WNK3: variants seen among roughly 807,000 people sequenced by gnomAD.
WNK3 encodes the protein WNK lysine deficient protein kinase 3, also known as serine/threonine-protein kinase WNK3.
Under a neutral mutation model 116.7 loss-of-function variants are expected in WNK3, and 18 were observed. The observed-to-expected ratio is 0.15, with a 90% CI of 0.11 to 0.23. The LOEUF is 0.23. WNK3 is among the 10% of genes least tolerant of loss of function. WNK3 has a pLI of 1.00. For missense variants in WNK3, 993 were observed against 1,323.8 expected (o/e 0.75, Z 3.88); for synonymous variants, 404 against 469.4 (o/e 0.86, Z 1.80).
At chrX:54,302,758 T>TATATATAC (rs1491572190) in intron 5 of WNK3, among the ~76,000 whole-genome samples, 1 of 27,051 alleles carries the variant, frequency 3.7e-5, no homozygotes, top group African/African-American at 1.7e-4. Context: ...TATATATATA[T>TATATATAC]TTTTTTTTTT....
chrX:54,236,428 G>C (rs1003806648), intron 20 of WNK3, among the ~76,000 whole-genome samples: 1 of 110,852 alleles, frequency 9.0e-6, no homozygotes, highest in African/African-American at 3.3e-5. Context: ...CAGCTGGCCT[G>C]AATTTCTTTT....
chrX:54,304,243 G>A (rs1041132507), intron 5 of WNK3, among the ~76,000 whole-genome samples: 4 of 110,700 alleles, frequency 3.6e-5, no homozygotes, highest in Non-Finnish European at 7.6e-5. Flanking sequence ...AAAAAAAATC[G>A]TGTAGCTCAG....
chrX:54,332,448 T>C (rs1325566985), intron 2 of WNK3, among the ~76,000 whole-genome samples: 2 of 112,235 alleles, frequency 1.8e-5, no homozygotes, highest in African/African-American at 6.5e-5. Context: ...TATGCCACAC[T>C]GAATATATTT....
intron 22 of WNK3, among the ~76,000 whole-genome samples, chrX:54,215,116 CAAAAAA>C (rs60946524): frequency 3.4e-5 from 1 of 29,458 alleles, no homozygotes; most frequent in Admixed American, 4.5e-4. Flanking sequence ...GACTCCATCT[CAAAAAA>C]AAAAAAAAAA....
At chrX:54,281,511 A>G (rs2068515541) in intron 10 of WNK3, among the ~76,000 whole-genome samples, 1 of 111,296 alleles carries the variant, frequency 9.0e-6, no homozygotes, top group South Asian at 3.8e-4. Flanking sequence ...CAACTAAATA[A>G]TACATTGCAT....
rs183483545 is a variant in WNK3 at position 54,320,790 on chromosome X, G to A, written c.538-9499C>T. On this transcript the variant is annotated intron_variant, in intron 2 of 23. Coordinates refer to ENST00000354646, the Ensembl canonical transcript of WNK3. ...TCAAGCTATTCTCCTGCCTCAGCTT[G>A]AATATTCTTGATAAACATGAGGTTG... is the stretch of plus-strand genomic sequence containing the variant. Among the ~76,000 whole-genome samples, 707 of 109,660 alleles carry A rather than the reference G, an allele frequency of 6.4e-3. 3 individuals carry two copies. The highest frequency in any genetic ancestry group is 1.0e-2 in the Non-Finnish European group (524 of 52,648).
At chrX:54,198,341 G>A (rs782102982) in exon 24 of WNK3, 2 of 1,196,102 alleles carry the variant, frequency 1.7e-6, no homozygotes, top group South Asian at 3.7e-5. Context: ...GGACCAGGAG[G>A]GATTGTGGCA....
chrX:54,291,465 A>AT (rs1421954652), intron 10 of WNK3, among the ~76,000 whole-genome samples: 2 of 112,185 alleles, frequency 1.8e-5, no homozygotes, highest in Admixed American at 1.9e-4. Context: ...TGATAATTAA[A>AT]TTTTTGGAAC....
intron 22 of WNK3, among the ~76,000 whole-genome samples, chrX:54,212,198 C>CAGA (rs2067623897): frequency 8.9e-6 from 1 of 112,373 alleles, no homozygotes; most frequent in South Asian, 3.6e-4. Flanking sequence ...TGCACTCCAG[C>CAGA]CTGTGGGACA....
rs1416254064 is a variant in WNK3 at position 54,219,601 on chromosome X, C to T, written c.4870+9113G>A. The stretch of plus-strand genomic sequence containing the variant: ...GCTGAGGCAGGAGAATCACTTGAAC[C>T]CGGGAGGCGGAGGTTGCAGTGAGCC... On this transcript the variant is annotated intron_variant, in intron 22 of 23. Coordinates refer to ENST00000354646, the Ensembl canonical transcript of WNK3. 5.9e-5 allele frequency among the ~76,000 whole-genome samples: 6 copies of T among 101,208 alleles called. No homozygotes were observed. In the East Asian group the frequency reaches 1.9e-3, roughly 31 times the overall value. 87.9% of individuals were successfully genotyped at this position (101,208 alleles called of 115,157 possible).
At chrX:54,202,174 A>G in exon 23 of WNK3, 2 of 1,204,641 alleles carry the variant, frequency 1.7e-6, no homozygotes, top group Non-Finnish European at 2.2e-6. Context: ...ATGCTGCATT[A>G]CTCTCCACAC....
At chrX:54,286,404 GATTTT>G (rs2068580948) in intron 10 of WNK3, among the ~76,000 whole-genome samples, 1 of 111,025 alleles carries the variant, frequency 9.0e-6, no homozygotes, top group Admixed American at 9.7e-5. Context: ...ATGAAGAGGA[GATTTT>G]ATAAAATACA....
intron 1 of WNK3, among the ~76,000 whole-genome samples, chrX:54,347,985 T>G (rs782218810): frequency 1.8e-5 from 2 of 110,756 alleles, no homozygotes; most frequent in Admixed American, 9.8e-5. Flanking sequence ...AGGAACACAG[T>G]ACACACCAAG....
intron 21 of WNK3, among the ~76,000 whole-genome samples, chrX:54,230,550 T>C (rs1469385824): frequency 5.4e-5 from 6 of 111,906 alleles, no homozygotes; most frequent in African/African-American, 1.6e-4. Flanking sequence ...AAACTGGAAG[T>C]CTCGCACATT....
chrX:54,213,881 C>G (rs2067651515), intron 22 of WNK3, among the ~76,000 whole-genome samples: 1 of 110,619 alleles, frequency 9.0e-6, no homozygotes, highest in African/African-American at 3.3e-5. Flanking sequence ...TGGAACAAGT[C>G]CCCCCCAAAA....
intron 22 of WNK3, among the ~76,000 whole-genome samples, chrX:54,222,915 A>AATATATATATATATAT (rs782107262): frequency 1.2e-5 from 1 of 81,042 alleles, no homozygotes; most frequent in African/African-American, 5.8e-5. Context: ...TAATAATAAT[A>AATATATATATATATAT]ATATATATAT....
intron 2 of WNK3, among the ~76,000 whole-genome samples, chrX:54,313,833 T>C (rs2068916420): frequency 9.0e-6 from 1 of 111,553 alleles, no homozygotes; most frequent in Non-Finnish European, 1.9e-5. Context: ...ATGAAGTATA[T>C]AATTTCATAA....
At chrX:54,335,721 C>T (rs1219172580) in intron 1 of WNK3, among the ~76,000 whole-genome samples, 2 of 112,266 alleles carry the variant, frequency 1.8e-5, no homozygotes, top group African/African-American at 6.5e-5. Context: ...AGTTGTTCTA[C>T]ACATTCAACT....
At chrX:54,207,509 C>CTTTTT (rs782017192) in intron 22 of WNK3, among the ~76,000 whole-genome samples, 22 of 84,296 alleles carry the variant, frequency 2.6e-4, no homozygotes, top group Non-Finnish European at 3.5e-4. Flanking sequence ...GCCCATTTAT[C>CTTTTT]TTTTTTTTTT....
Sources: gnomAD v4.1 joint callset for allele counts (sites outside exome capture counted in the v4.1 genomes callset) on GRCh38, gnomAD v4.1.1 for gene constraint, MANE v1.5 for transcripts, NCBI Gene and HGNC (gene_info 2026-07-23, HGNC 2026-07-21) for gene names.